Variants in HPSE2 observed in about 807,000 individuals in gnomAD.
HPSE2 encodes the protein inactive heparanase-2.
In HPSE2, 38 loss-of-function variants were observed where a neutral mutation model predicts 60.5. The ratio of observed to expected loss-of-function variants is 0.63; its 90% confidence interval spans 0.48 to 0.82. The LOEUF (loss-of-function observed/expected upper bound fraction) is 0.82. Ranked by LOEUF, HPSE2 falls within the 40% of genes least tolerant of loss-of-function variation. The pLI is 0.00. For synonymous variants in HPSE2, 295 were observed against 293.2 expected (o/e 1.01, Z -0.06); for missense variants, 713 against 740.4 (o/e 0.96, Z 0.43).
intron 3 of HPSE2, among the ~76,000 whole-genome samples, chr10:98,795,119 A>C (rs113427958): frequency 4.0e-5 from 6 of 151,584 alleles, no homozygotes; most frequent in African/African-American, 1.5e-4. Context: ...GGAAGAATAG[A>C]AGCCTATAGC....
intron 11 of HPSE2, among the ~76,000 whole-genome samples, chr10:98,469,585 G>GAT (rs1940691770): frequency 6.6e-6 from 1 of 152,152 alleles, no homozygotes; most frequent in South Asian, 2.1e-4. Context: ...ACCATATAAA[G>GAT]ATATTACACA....
At chr10:98,774,294 C>G (rs1950297658) in intron 3 of HPSE2, among the ~76,000 whole-genome samples, 1 of 152,000 alleles carries the variant, frequency 6.6e-6, no homozygotes. Context: ...CTAATATATT[C>G]AAGAGAAAAA....
intron 3 of HPSE2, among the ~76,000 whole-genome samples, chr10:99,035,645 A>C (rs1367738869): frequency 6.6e-6 from 1 of 152,270 alleles, no homozygotes; most frequent in African/African-American, 2.4e-5. Context: ...TGGCAGCACA[A>C]CAGATGATGT....
chr10:99,232,782 A>T (rs1849703396), intron 1 of HPSE2, among the ~76,000 whole-genome samples: 1 of 152,214 alleles, frequency 6.6e-6, no homozygotes, highest in African/African-American at 2.4e-5. Flanking sequence ...TAAAGGCTAC[A>T]GATAGTGTTT....
intron 9 of HPSE2, among the ~76,000 whole-genome samples, chr10:98,516,265 G>T (rs937925991): frequency 6.6e-6 from 1 of 152,158 alleles, no homozygotes; most frequent in Admixed American, 6.5e-5. Context: ...GAAACTCAGC[G>T]ACAGAAAGCA....
intron 9 of HPSE2, among the ~76,000 whole-genome samples, chr10:98,547,007 C>T (rs1405256095): frequency 4.7e-5 from 7 of 149,562 alleles, no homozygotes; most frequent in Non-Finnish European, 7.4e-5. Context: ...TATGAACAGA[C>T]ACTTCTCAAA....
At chr10:98,693,851 A>AT (rs1438242566) in intron 6 of HPSE2, 49 bp downstream of exon 6, 17 of 1,342,340 alleles carry the variant, frequency 1.3e-5, no homozygotes, top group Non-Finnish European at 1.7e-5. Flanking sequence ...ATTATCTTTC[A>AT]TTTCACAGCA....
intron 3 of HPSE2, among the ~76,000 whole-genome samples, chr10:98,842,427 T>C (rs1951936312): frequency 6.6e-6 from 1 of 152,082 alleles, no homozygotes; most frequent in Non-Finnish European, 1.5e-5. Context: ...CTGGTTTTGG[T>C]AGAGTTTGCC....
chr10:99,306,085 G>A, the HPSE2 span, among the ~76,000 whole-genome samples: 2 of 151,204 alleles, frequency 1.3e-5, no homozygotes, highest in Non-Finnish European at 2.9e-5. Context: ...CAGACAGAGA[G>A]GGAAAACAGT....
chr10:98,996,861 T>C (rs531146298), intron 3 of HPSE2, among the ~76,000 whole-genome samples: 57 of 152,232 alleles, frequency 3.7e-4, no homozygotes, highest in Non-Finnish European at 5.9e-4. Flanking sequence ...TGCTTAGAAT[T>C]GGGACTAAGT....
chr10:98,967,159 C>CA (rs1365832919), intron 3 of HPSE2, among the ~76,000 whole-genome samples: 2 of 152,048 alleles, frequency 1.3e-5, no homozygotes, highest in Non-Finnish European at 2.9e-5. Flanking sequence ...GACTTAAGCT[C>CA]AAAAAGCTGA....
intron 3 of HPSE2, among the ~76,000 whole-genome samples, chr10:98,921,819 T>C (rs1954289482): frequency 6.6e-6 from 1 of 152,074 alleles, no homozygotes; most frequent in Admixed American, 6.5e-5. Context: ...TGAATATCTT[T>C]CATGGAGTTC....
chr10:99,044,535 C>T (rs1422280722), intron 3 of HPSE2, among the ~76,000 whole-genome samples: 3 of 152,076 alleles, frequency 2.0e-5, no homozygotes, highest in African/African-American at 7.2e-5. Context: ...ATGAACTGAA[C>T]ACCCCACTTA....
chr10:98,565,201 A>G (rs966786595), intron 9 of HPSE2, among the ~76,000 whole-genome samples: 3 of 151,832 alleles, frequency 2.0e-5, no homozygotes, highest in African/African-American at 7.3e-5. Context: ...ATACATGCGC[A>G]GAACATGCAG....
intron 3 of HPSE2, among the ~76,000 whole-genome samples, chr10:99,001,422 G>A (rs891242875): frequency 1.3e-5 from 2 of 152,152 alleles, no homozygotes; most frequent in South Asian, 2.1e-4. Context: ...TCACTGTAAC[G>A]AAATTCTCTA....
At chr10:99,137,680 C>T (rs1478484285) in intron 3 of HPSE2, among the ~76,000 whole-genome samples, 2 of 152,190 alleles carry the variant, frequency 1.3e-5, no homozygotes, top group Non-Finnish European at 2.9e-5. Context: ...GGAAAACTGG[C>T]TAGCCATATG....
At chr10:98,888,967 G>A (rs1311043695) in intron 3 of HPSE2, among the ~76,000 whole-genome samples, 5 of 152,130 alleles carry the variant, frequency 3.3e-5, no homozygotes, top group African/African-American at 1.2e-4. Flanking sequence ...GAGGCAGGAG[G>A]ATCACTTGAG....
chr10:99,153,594 C>G (rs924886045), intron 2 of HPSE2, among the ~76,000 whole-genome samples: 1 of 151,814 alleles, frequency 6.6e-6, no homozygotes, highest in South Asian at 2.1e-4. Context: ...CACCAAAAAC[C>G]CATCTGTACA....
At chr10:99,018,778 C>T (rs1466419786) in intron 3 of HPSE2, among the ~76,000 whole-genome samples, 2 of 152,144 alleles carry the variant, frequency 1.3e-5, no homozygotes, top group Non-Finnish European at 2.9e-5. Context: ...CCTCTTGGGA[C>T]TCCTTTTTTG....
Sources: gnomAD v4.1 joint callset for allele counts (sites outside exome capture counted in the v4.1 genomes callset) on GRCh38, gnomAD v4.1.1 for gene constraint, MANE v1.5 for transcripts, NCBI Gene and HGNC (gene_info 2026-07-23, HGNC 2026-07-21) for gene names.